MIA2: variants seen among roughly 807,000 people sequenced by gnomAD.
The protein encoded by MIA2 is MIA SH3 domain ER export factor 2.
In MIA2, 127 loss-of-function variants were observed where a neutral mutation model predicts 167.8. That is an observed-to-expected ratio of 0.76 (90% CI 0.66 to 0.88). The LOEUF is 0.88. Ranked by LOEUF, MIA2 falls within the 40% of genes least tolerant of loss-of-function variation. MIA2 has a pLI of 0.00. For synonymous variants in MIA2, 552 were observed against 541.9 expected, an observed-to-expected ratio of 1.02 and a Z score of -0.26; for missense variants, 1,690 against 1,624.7, an observed-to-expected ratio of 1.04 and a Z score of -0.69.
intron 23 of MIA2, among the ~76,000 whole-genome samples, chr14:39,380,778 T>G (rs1350081605): frequency 6.6e-6 from 1 of 151,848 alleles, no homozygotes; most frequent in African/African-American, 2.4e-5. Context: ...GAGACCAATT[T>G]TATTTAGATT....
chr14:39,253,239 AAT>A, intron 6 of MIA2, 68 bp downstream of exon 6: 1 of 1,568,552 alleles, frequency 6.4e-7, no homozygotes, highest in Non-Finnish European at 8.7e-7. Flanking sequence ...GTGGCTACAA[AAT>A]ATGTTTGAAT....
chr14:39,386,596 CTTTCT>C, intron 23 of MIA2: 1 of 1,068,394 alleles, frequency 9.4e-7, no homozygotes, highest in Non-Finnish European at 1.4e-6. Flanking sequence ...CCACAGTGGG[CTTTCT>C]TTTTTCTTTT....
chr14:39,270,837 G>A (rs567343103), intron 6 of MIA2, among the ~76,000 whole-genome samples: 2 of 152,254 alleles, frequency 1.3e-5, no homozygotes, highest in East Asian at 3.9e-4. Flanking sequence ...TGAGTTATAA[G>A]CATTCTTTAT....
intron 23 of MIA2, among the ~76,000 whole-genome samples, chr14:39,371,620 A>T (rs750119926): frequency 6.6e-6 from 1 of 152,238 alleles, no homozygotes; most frequent in African/African-American, 2.4e-5. Flanking sequence ...TTTTTGTGTA[A>T]TAGGAGAATG....
chr14:39,268,295 A>G (rs1192602117), intron 6 of MIA2, among the ~76,000 whole-genome samples: 2 of 152,176 alleles, frequency 1.3e-5, no homozygotes, highest in Non-Finnish European at 2.9e-5. Flanking sequence ...TAGGTGAATT[A>G]AAGGTAGTGT....
chr14:39,297,738 AGAGAAT>A (rs1485413680), intron 13 of MIA2, among the ~76,000 whole-genome samples: 2 of 151,482 alleles, frequency 1.3e-5, no homozygotes, highest in African/African-American at 4.9e-5. Context: ...AATGAATGAG[AGAGAAT>A]GAGAATAAGA....
chr14:39,283,220 A>G (rs1326901812), intron 9 of MIA2, among the ~76,000 whole-genome samples: 2 of 152,204 alleles, frequency 1.3e-5, no homozygotes, highest in African/African-American at 4.8e-5. Context: ...CTGTGTGTAG[A>G]AGGTGCCAAT....
At chr14:39,279,892 T>C (rs2058673195) in intron 9 of MIA2, among the ~76,000 whole-genome samples, 1 of 152,196 alleles carries the variant, frequency 6.6e-6, no homozygotes, top group Non-Finnish European at 1.5e-5. Flanking sequence ...AACCTTATTT[T>C]ATTTTGACCA....
chr14:39,259,698 GT>G (rs10556014), intron 6 of MIA2, among the ~76,000 whole-genome samples: 20,338 of 115,280 alleles, frequency 0.18, 1,699 homozygotes, highest in South Asian at 0.23. Flanking sequence ...GCCTGGCTAG[GT>G]TTTTTTTTTT....
intron 17 of MIA2, among the ~76,000 whole-genome samples, chr14:39,306,165 A>T (rs549853031): frequency 6.6e-6 from 1 of 152,016 alleles, no homozygotes; most frequent in Non-Finnish European, 1.5e-5. Flanking sequence ...ACAATTTCCT[A>T]TACATTTAAT....
At chr14:39,285,861 A>G (rs1479480117) in intron 9 of MIA2, among the ~76,000 whole-genome samples, 3 of 151,026 alleles carry the variant, frequency 2.0e-5, no homozygotes, top group South Asian at 4.2e-4. Context: ...GGCCGGGCAG[A>G]GGTGCTCCCC....
chr14:39,301,823 GTTA>G (rs1202809946), intron 14 of MIA2, among the ~76,000 whole-genome samples: 1 of 152,114 alleles, frequency 6.6e-6, no homozygotes, highest in Non-Finnish European at 1.5e-5. Flanking sequence ...TTAGGGCACT[GTTA>G]TTTGTGGCAT....
At chr14:39,258,315 A>T in intron 6 of MIA2, among the ~76,000 whole-genome samples, 1 of 152,042 alleles carries the variant, frequency 6.6e-6, no homozygotes, top group East Asian at 1.9e-4. Flanking sequence ...TCTTGTCTTC[A>T]CGCCTTATTT....
At chr14:39,263,064 T>C (rs958207593) in intron 6 of MIA2, among the ~76,000 whole-genome samples, 1 of 151,986 alleles carries the variant, frequency 6.6e-6, no homozygotes, top group Non-Finnish European at 1.5e-5. Context: ...TGAATAGGAG[T>C]GGTGAGAGAG....
At chr14:39,289,226 TC>T (rs1490715852) in intron 9 of MIA2, among the ~76,000 whole-genome samples, 2 of 34,070 alleles carry the variant, frequency 5.9e-5, no homozygotes, top group Non-Finnish European at 1.2e-4. Context: ...AGGCAGGTTT[TC>T]TTTTTTTTTT....
Position 39,319,572 on chromosome 14 carries a change from G to C in MIA2, c.3367+281G>C, listed in dbSNP as rs550433258. On this transcript the variant is annotated intron_variant, in intron 23 of 28. Coordinates refer to ENST00000640607, the MANE Select transcript of MIA2 (RefSeq NM_001329214.4). The stretch of plus-strand genomic sequence containing the variant: ...AGCTCCTTGAAAAGCTAGGTGCTTG[G>C]CACATAGTAAGGTACTCATTAACAA... 3.9e-5 allele frequency among the ~76,000 whole-genome samples: 6 copies of C among 152,014 alleles called. 1 individual carries two copies. The highest frequency in any genetic ancestry group is 1.2e-4 in the African/African-American group (5 of 41,482).
At chr14:39,240,671 T>C (rs776829441) in intron 3 of MIA2, 24 bp downstream of exon 3, 1 of 1,540,306 alleles carries the variant, frequency 6.5e-7, no homozygotes, top group South Asian at 1.1e-5. Flanking sequence ...TTCTCAGTTG[T>C]TAATTGAATT....
chr14:39,375,021 T>C (rs1226478433), intron 23 of MIA2, among the ~76,000 whole-genome samples: 1 of 152,194 alleles, frequency 6.6e-6, no homozygotes, highest in Non-Finnish European at 1.5e-5. Flanking sequence ...GGTTTGGACA[T>C]GGCAAAGAAA....
At chr14:39,347,400 TAAAAG>T (rs555496651) in intron 26 of MIA2, 3,224 of 312,738 alleles carry the variant, frequency 0.01, 64 homozygotes, top group Non-Finnish European at 0.012. Context: ...GAGGCAAACA[TAAAAG>T]GAGGGAGGAG....
Sources: gnomAD v4.1 joint callset for allele counts (sites outside exome capture counted in the v4.1 genomes callset) on GRCh38, gnomAD v4.1.1 for gene constraint, MANE v1.5 for transcripts, NCBI Gene and HGNC (gene_info 2026-07-23, HGNC 2026-07-21) for gene names.